CIMAP2: variants seen among roughly 807,000 people sequenced by gnomAD.
CIMAP2 encodes ciliary microtubule-associated protein 2.
At chr1:54,810,346 A>G in the CIMAP2 span, among the ~76,000 whole-genome samples, 1 of 152,138 alleles carries the variant, frequency 6.6e-6, no homozygotes, top group Non-Finnish European at 1.5e-5. Flanking sequence ...CCATCTGTTA[A>G]TTGTGGATGG....
the CIMAP2 span, chr1:54,841,980 C>T: frequency 8.5e-7 from 1 of 1,172,338 alleles, no homozygotes; most frequent in Non-Finnish European, 1.2e-6. Flanking sequence ...AGAGAAAGGA[C>T]ACATGGGCTT....
At chr1:54,811,775 C>CGG in the CIMAP2 span, 1 of 484,762 alleles carries the variant, frequency 2.1e-6, no homozygotes, top group Non-Finnish European at 4.0e-6. Context: ...GCCTCCATGC[C>CGG]CCCACCCCCG....
the CIMAP2 span, among the ~76,000 whole-genome samples, chr1:54,822,096 C>G: frequency 7.3e-6 from 1 of 137,564 alleles, no homozygotes; most frequent in African/African-American, 2.7e-5. Context: ...GACGGGGTTT[C>G]ACCATTTTAG....
chr1:54,815,851 C>A, the CIMAP2 span, among the ~76,000 whole-genome samples: 1 of 151,230 alleles, frequency 6.6e-6, no homozygotes, highest in African/African-American at 2.4e-5. Flanking sequence ...TTCCCACCCC[C>A]ACCCCAATTT....
the CIMAP2 span, among the ~76,000 whole-genome samples, chr1:54,835,075 T>C: frequency 2.6e-5 from 4 of 152,274 alleles, 1 homozygote; most frequent in South Asian, 4.1e-4. Flanking sequence ...CTAAAAGGCA[T>C]ATTCTTTGTC....
the CIMAP2 span, among the ~76,000 whole-genome samples, chr1:54,839,397 C>CAG: frequency 1 from 151,710 of 151,808 alleles, 75,807 homozygotes; most frequent in Middle Eastern, 1. Context: ...TTTTTCGAGA[C>CAG]AGTTTTATTT....
chr1:54,817,225 C>T, the CIMAP2 span: 1 of 1,464,294 alleles, frequency 6.8e-7, no homozygotes, highest in Non-Finnish European at 9.2e-7. Context: ...GGGAACACAG[C>T]TTCTGCCCCT....
chr1:54,835,094 T>C, the CIMAP2 span, among the ~76,000 whole-genome samples: 2 of 152,254 alleles, frequency 1.3e-5, no homozygotes, highest in African/African-American at 4.8e-5. Flanking sequence ...TCCAGAAATC[T>C]GAAATGGAAA....
chr1:54,823,646 T>G, the CIMAP2 span, among the ~76,000 whole-genome samples: 2 of 152,258 alleles, frequency 1.3e-5, no homozygotes, highest in Admixed American at 1.3e-4. Flanking sequence ...TGTTCCTTTC[T>G]TCCTCTTTTA....
At chr1:54,834,038 A>G in the CIMAP2 span, among the ~76,000 whole-genome samples, 3 of 152,086 alleles carry the variant, frequency 2.0e-5, no homozygotes, top group South Asian at 4.1e-4. Flanking sequence ...GGGTTTCACC[A>G]TGTTGGCCAG....
the CIMAP2 span, chr1:54,815,173 C>A: frequency 6.9e-5 from 89 of 1,295,670 alleles, no homozygotes; most frequent in Non-Finnish European, 9.3e-5. Flanking sequence ...CCCAAGGGAC[C>A]TGAGGTCCAC....
At chr1:54,811,772 T>TTCCC in the CIMAP2 span, 2 of 454,864 alleles carry the variant, frequency 4.4e-6, no homozygotes, top group Non-Finnish European at 8.7e-6. Context: ...ACAGCCTCCA[T>TTCCC]GCCCCCACCC....
the CIMAP2 span, among the ~76,000 whole-genome samples, chr1:54,817,955 T>C: frequency 0.19 from 29,312 of 152,154 alleles, 2,919 homozygotes; most frequent in East Asian, 0.34. Context: ...TGTTTCTTAT[T>C]TTTCCTTTCT....
At chr1:54,810,546 C>G in the CIMAP2 span, among the ~76,000 whole-genome samples, 1 of 152,176 alleles carries the variant, frequency 6.6e-6, no homozygotes, top group Admixed American at 6.5e-5. Context: ...TGGCCTGACT[C>G]CCCACGCAGA....
the CIMAP2 span, chr1:54,806,315 A>G: frequency 3.2e-6 from 4 of 1,243,156 alleles, no homozygotes; most frequent in Admixed American, 1.3e-4. Flanking sequence ...GAGGGTGTCC[A>G]CCTACACACA....
chr1:54,811,981 C>T, the CIMAP2 span: 7 of 1,613,970 alleles, frequency 4.3e-6, no homozygotes, highest in Non-Finnish European at 5.9e-6. Flanking sequence ...CCTGCAGGGG[C>T]ACTCCCAGGG....
chr1:54,841,480 G>T, the CIMAP2 span: 1 of 1,398,892 alleles, frequency 7.1e-7, no homozygotes, highest in Non-Finnish European at 9.7e-7. Context: ...TCCTCTCTCT[G>T]GTCCTTGGTC....
At chr1:54,828,254 T>C in the CIMAP2 span, among the ~76,000 whole-genome samples, 1 of 152,252 alleles carries the variant, frequency 6.6e-6, no homozygotes, top group East Asian at 1.9e-4. Context: ...ACAAAGTGTA[T>C]AAATGAATAT....
chr1:54,819,059 C>A, the CIMAP2 span, among the ~76,000 whole-genome samples: 6 of 152,278 alleles, frequency 3.9e-5, no homozygotes, highest in African/African-American at 1.4e-4. Flanking sequence ...GCCTGTCAGT[C>A]ACTGTGAGTG....
Sources: gnomAD v4.1 joint callset for allele counts (sites outside exome capture counted in the v4.1 genomes callset) on GRCh38, gnomAD v4.1.1 for gene constraint, MANE v1.5 for transcripts, NCBI Gene and HGNC (gene_info 2026-07-23, HGNC 2026-07-21) for gene names.